ARHGEF3: variants seen among roughly 807,000 people sequenced by gnomAD.
ARHGEF3 encodes the protein Rho guanine nucleotide exchange factor 3.
A neutral mutation model predicts 63.2 loss-of-function variants in ARHGEF3; 28 were observed. The ratio of observed to expected loss-of-function variants is 0.44; its 90% CI spans 0.33 to 0.61. The LOEUF is 0.61. Ranked by LOEUF, ARHGEF3 falls within the 20% of genes least tolerant of loss-of-function variation. ARHGEF3 has a pLI of 0.03. For missense variants in ARHGEF3, 533 were observed against 659.3 expected (o/e 0.81, Z 2.10); for synonymous variants, 266 against 254.2 (o/e 1.05, Z -0.44).
chr3:56,948,824 A>C (rs927516457), intron 3 of ARHGEF3, among the ~76,000 whole-genome samples: 7 of 131,546 alleles, frequency 5.3e-5, no homozygotes, highest in African/African-American at 8.0e-5. Context: ...GAGACACAAC[A>C]AAAAAAGAGA....
intron 3 of ARHGEF3, among the ~76,000 whole-genome samples, chr3:56,910,316 G>A (rs2041822407): frequency 6.6e-6 from 1 of 152,154 alleles, no homozygotes; most frequent in Non-Finnish European, 1.5e-5. Context: ...GGCCACCTTG[G>A]CACCTGGCGC....
At chr3:56,970,083 T>C (rs1046170356) in intron 2 of ARHGEF3, among the ~76,000 whole-genome samples, 1 of 152,168 alleles carries the variant, frequency 6.6e-6, no homozygotes, top group Non-Finnish European at 1.5e-5. Context: ...AGATTCCTTT[T>C]GGGGTGATGA....
intron 1 of ARHGEF3, chr3:56,775,426 A>G (rs2036238730): frequency 9.9e-7 from 1 of 1,015,104 alleles, no homozygotes; most frequent in Admixed American, 5.8e-5. Context: ...GTGGCCAGAA[A>G]CGATTCCATG....
intron 2 of ARHGEF3, among the ~76,000 whole-genome samples, chr3:56,999,811 T>A (rs908043981): frequency 6.6e-6 from 1 of 151,950 alleles, no homozygotes; most frequent in Non-Finnish European, 1.5e-5. Context: ...ACAAGAAAAA[T>A]TTTCTGCTCA....
At chr3:56,775,001 C>T (rs1431517896) in intron 1 of ARHGEF3, 4 of 1,529,122 alleles carry the variant, frequency 2.6e-6, no homozygotes, top group Non-Finnish European at 3.5e-6. Flanking sequence ...AAGAGTTACC[C>T]TTGTCCTCCT....
rs573514449 is a variant in ARHGEF3, at chr3:56,937,165, A to T, written c.129+21658T>A. Among the ~76,000 whole-genome samples the T allele has an allele frequency of 2.6e-5, 4 of 152,360 alleles. No homozygotes were observed. In the South Asian group the frequency reaches 8.3e-4, roughly 32 times the overall value. On this transcript the variant is annotated intron_variant, in intron 3 of 12. Coordinates refer to the ARHGEF3 transcript ENST00000338458. ...ACAAACAAAAAATAAATCCAGCTAG[A>T]TGCAGTGCATGATCCTTGAATGATT...
chr3:56,916,392 G>C, intron 3 of ARHGEF3: 1 of 1,531,516 alleles, frequency 6.5e-7, no homozygotes, highest in African/African-American at 1.4e-5. Flanking sequence ...AACTGCAGTG[G>C]AGCCCTGTGC....
intron 4 of ARHGEF3, among the ~76,000 whole-genome samples, chr3:56,815,843 A>T (rs2038250279): frequency 2.0e-5 from 3 of 152,192 alleles, no homozygotes; most frequent in Admixed American, 6.5e-5. Flanking sequence ...GCCCAGTCAC[A>T]GCTTCCCTTC....
chr3:56,967,025 G>A lies in ARHGEF3; in HGVS notation c.63-8136C>T, dbSNP rs986079079. Among the ~76,000 whole-genome samples the A allele has an allele frequency of 1.3e-4, 19 of 149,552 alleles. No individual in the cohort carries two copies. In the East Asian group the frequency reaches 2.3e-3, roughly 18 times the overall value. On this transcript the variant is annotated intron_variant, in intron 2 of 12. Coordinates refer to the ARHGEF3 transcript ENST00000338458. ...ATTACAGGCATGCGCCACCATGCCC[G>A]GCTAATTTTGTATTTTTAGTAGAGA...
intron 1 of ARHGEF3, among the ~76,000 whole-genome samples, chr3:56,785,576 A>C (rs1239194434): frequency 6.6e-6 from 1 of 152,236 alleles, no homozygotes; most frequent in Admixed American, 6.5e-5. Context: ...AAAGGACCAC[A>C]CAGAACCACA....
rs989583917 is a variant in ARHGEF3 at position 56,727,941 on chromosome 3, A to T, written c.*1329T>A. 4 of 152,528 alleles carry T rather than the reference A, an allele frequency of 2.6e-5. No individual in the cohort carries two copies. The highest frequency in any genetic ancestry group is 9.7e-5 in the African/African-American group (4 of 41,404). 9.4% of individuals were successfully genotyped at this position (152,528 alleles called of 1,614,324 possible). The stretch of plus-strand genomic sequence containing the variant: ...TTTCTGTAAACTTGAAAGACAGATT[A>T]AAAAAAACTTTTTGGCAATAATTTA... On this transcript the variant is annotated 3_prime_UTR_variant, in exon 10 of 10. Coordinates refer to ENST00000296315, the MANE Select transcript of ARHGEF3 (RefSeq NM_019555.3).
At chr3:56,831,439 C>A (rs1335238323) in intron 4 of ARHGEF3, among the ~76,000 whole-genome samples, 9 of 152,190 alleles carry the variant, frequency 5.9e-5, no homozygotes, top group African/African-American at 2.2e-4. Flanking sequence ...AAAACTTTTC[C>A]TGTAAAGGGA....
At chr3:57,040,820 C>A (rs1704155783) in intron 1 of ARHGEF3, among the ~76,000 whole-genome samples, 1 of 152,096 alleles carries the variant, frequency 6.6e-6, no homozygotes, top group Non-Finnish European at 1.5e-5. Flanking sequence ...AACACCCACA[C>A]CACCCTGCCA....
At chr3:56,935,283 C>T (rs1396596024) in intron 3 of ARHGEF3, among the ~76,000 whole-genome samples, 1 of 152,140 alleles carries the variant, frequency 6.6e-6, no homozygotes, top group African/African-American at 2.4e-5. Flanking sequence ...CGTGGAGAAC[C>T]TTTGTGTCTA....
intron 1 of ARHGEF3, among the ~76,000 whole-genome samples, chr3:57,057,082 T>C (rs1422309396): frequency 7.2e-5 from 11 of 152,162 alleles, no homozygotes; most frequent in African/African-American, 2.4e-4. Context: ...AAATGGGGTC[T>C]ACACTGCAGG....
chr3:56,981,103 C>T (rs4075857), intron 2 of ARHGEF3, among the ~76,000 whole-genome samples: 35,433 of 152,176 alleles, frequency 0.23, 4,285 homozygotes, highest in Middle Eastern at 0.38. Flanking sequence ...CTTCCCTCCC[C>T]ATCTTCCTGG....
At chr3:56,967,260 T>C (rs1221076636) in intron 2 of ARHGEF3, among the ~76,000 whole-genome samples, 1 of 103,112 alleles carries the variant, frequency 9.7e-6, no homozygotes, top group Non-Finnish European at 2.2e-5. Context: ...AGTATATACA[T>C]ACTTATATAT....
In ARHGEF3 at chr3:56,730,130, C is replaced by G. The variant is rs558975685; in HGVS notation, c.1229-508G>C. On this transcript the variant is annotated intron_variant, in intron 9 of 9. Transcript: ENST00000296315. ...ATTCTGATTCAGAAGATCTAAAAGTCGTTTCATAATCTGTAATTTCAACAA... is the reference window on the plus strand; with the variant it reads ...ATTCTGATTCAGAAGATCTAAAAGTGGTTTCATAATCTGTAATTTCAACAA... Among the ~76,000 whole-genome samples, 24 of 152,274 alleles carry G rather than the reference C, an allele frequency of 1.6e-4. 1 individual carries two copies. The highest frequency in any genetic ancestry group is 5.8e-4 in the African/African-American group (24 of 41,554).
At chr3:56,958,727 T>C (rs1388533793) in intron 3 of ARHGEF3, 1 of 1,294,314 alleles carries the variant, frequency 7.7e-7, no homozygotes. Flanking sequence ...AGACTTTGAT[T>C]AGTAAAACCA....
Sources: gnomAD v4.1 joint callset for allele counts (sites outside exome capture counted in the v4.1 genomes callset) on GRCh38, gnomAD v4.1.1 for gene constraint, MANE v1.5 for transcripts, NCBI Gene and HGNC (gene_info 2026-07-23, HGNC 2026-07-21) for gene names.